NELL2: variants seen among roughly 807,000 people sequenced by gnomAD.
NELL2 encodes the protein protein kinase C-binding protein NELL2.
Under a neutral mutation model 109.6 loss-of-function variants are expected in NELL2, and 41 were observed. The ratio of observed to expected loss-of-function variants is 0.37; its 90% CI spans 0.29 to 0.49. The LOEUF (loss-of-function observed/expected upper bound fraction) is 0.49. Among genes scored for constraint, NELL2 ranks in the 20% least tolerant of loss-of-function variants. NELL2 has a pLI of 0.98. For synonymous variants in NELL2, 355 were observed against 344.7 expected (o/e 1.03, Z -0.33); for missense variants, 900 against 1,008.3 (o/e 0.89, Z 1.45).
At chr12:44,600,507 G>A (rs948343173) in intron 15 of NELL2, among the ~76,000 whole-genome samples, 2 of 152,148 alleles carry the variant, frequency 1.3e-5, no homozygotes, top group South Asian at 4.1e-4. Flanking sequence ...TGCCTCCCCC[G>A]ATTATACTTC....
intron 2 of NELL2, among the ~76,000 whole-genome samples, chr12:44,865,841 T>G (rs1222301427): frequency 2.3e-5 from 3 of 132,232 alleles, no homozygotes; most frequent in Non-Finnish European, 5.0e-5. Flanking sequence ...AAAAAAAGTT[T>G]TAACAAATTT....
intron 2 of NELL2, among the ~76,000 whole-genome samples, chr12:44,824,428 T>C (rs909924484): frequency 2.0e-5 from 3 of 152,208 alleles, no homozygotes; most frequent in East Asian, 1.9e-4. Context: ...TGTCTGTATA[T>C]GGTGTGAGAT....
chr12:44,774,706 A>G, intron 9 of NELL2, 41 bp downstream of exon 9: 1 of 1,514,156 alleles, frequency 6.6e-7, no homozygotes, highest in Non-Finnish European at 9.2e-7. Flanking sequence ...ACAGTGCTTT[A>G]TTTTTCCAAA....
Position 44,779,935 on chromosome 12 carries a change from A to G in NELL2, c.423T>C (p.Phe141=). Residue 141 remains phenylalanine (F), a synonymous_variant, in exon 4 of 20, where the codon TTT becomes TTC. Transcript: ENST00000429094. ...ACTTGTCATCAGCCAAAATGTAAGG[A>G]AACACTTCTGTGTGAGGGCGGTGAC... ...SGSHRPHTEV[F]PYILADDKWH... 1 of 1,613,956 alleles carries G rather than the reference A, an allele frequency of 6.2e-7. No homozygotes were observed. The highest frequency in any genetic ancestry group is 8.5e-7 in the Non-Finnish European group (1 of 1,179,836).
chr12:44,849,636 C>T (rs1402397289), intron 2 of NELL2, among the ~76,000 whole-genome samples: 1 of 152,146 alleles, frequency 6.6e-6, no homozygotes, highest in East Asian at 1.9e-4. Context: ...AATTTCCTCT[C>T]ACAGACATTT....
intron 15 of NELL2, among the ~76,000 whole-genome samples, chr12:44,563,401 C>T (rs1434437657): frequency 6.6e-6 from 1 of 151,916 alleles, no homozygotes; most frequent in Non-Finnish European, 1.5e-5. Flanking sequence ...GCCTTTGCCA[C>T]CAGCAAAATT....
At chr12:44,567,936 A>G (rs959884969) in intron 15 of NELL2, among the ~76,000 whole-genome samples, 1 of 152,176 alleles carries the variant, frequency 6.6e-6, no homozygotes, top group Non-Finnish European at 1.5e-5. Flanking sequence ...GGGAATTTTT[A>G]AAGTTGAAAG....
intron 9 of NELL2, among the ~76,000 whole-genome samples, chr12:44,725,603 T>A (rs895683272): frequency 1.3e-5 from 2 of 152,116 alleles, no homozygotes; most frequent in Admixed American, 6.6e-5. Flanking sequence ...GGAATCAACA[T>A]AAATGCCCAT....
intron 12 of NELL2, among the ~76,000 whole-genome samples, chr12:44,666,874 T>C (rs1405972752): frequency 6.6e-6 from 1 of 152,232 alleles, no homozygotes; most frequent in Non-Finnish European, 1.5e-5. Flanking sequence ...ACATAGTTTC[T>C]AACCTACCTG....
chr12:44,902,387 C>T (rs1048076815), intron 1 of NELL2, among the ~76,000 whole-genome samples: 1 of 152,030 alleles, frequency 6.6e-6, no homozygotes, highest in Non-Finnish European at 1.5e-5. Flanking sequence ...AACCGCTGCT[C>T]AAGGAAATAA....
chr12:44,677,931 G>C (rs1049226140), intron 12 of NELL2, among the ~76,000 whole-genome samples: 1 of 152,086 alleles, frequency 6.6e-6, no homozygotes, highest in Non-Finnish European at 1.5e-5. Flanking sequence ...AAATGTCCCA[G>C]AGGCAGTGAG....
intron 9 of NELL2, among the ~76,000 whole-genome samples, chr12:44,755,592 C>T (rs887098898): frequency 6.6e-6 from 1 of 152,154 alleles, no homozygotes; most frequent in African/African-American, 2.4e-5. Context: ...CTCAAAACTA[C>T]TCCACCTCTA....
Position 44,703,817 on chromosome 12 carries a change from C to A in NELL2, c.1227G>T (p.Glu409Asp), listed in dbSNP as rs779593674. The part of the protein sequence containing the change: ...DFCSERHNCM[E>D]NSICRNLNDR... ...CATTCAGATTTCTGCAGATGGAATT[C>A]TCCATGCAGTTATGCCTTTCAGAAC... The change falls in exon 12 of 20, where the codon GAG becomes GAT. Residue 409 changes from glutamate to aspartate, a missense_variant. Physicochemically the swap from Glu to Asp is conservative, Grantham distance 45 (BLOSUM62 2). This residue lies in a region of NELL2 where 292 missense variants were observed against 265.3 expected (regional missense o/e 1.10). Transcript: ENST00000429094. 3.2e-5 allele frequency: 51 copies of A among 1,613,162 alleles called. No individual in the cohort carries two copies. Among genetic ancestry groups the A allele is most frequent in the Non-Finnish European group, 8.5e-6 (10 of 1,179,534 alleles).
At chr12:44,830,633 C>T (rs968789443) in intron 2 of NELL2, among the ~76,000 whole-genome samples, 2 of 152,088 alleles carry the variant, frequency 1.3e-5, no homozygotes, top group East Asian at 3.9e-4. Flanking sequence ...TGCCATCTCC[C>T]GGTTTCTGAG....
intron 13 of NELL2, among the ~76,000 whole-genome samples, chr12:44,641,854 G>A (rs1036071179): frequency 1.3e-5 from 2 of 151,862 alleles, no homozygotes; most frequent in South Asian, 2.1e-4. Context: ...ATGCTGCCAT[G>A]CCCGGCTAAC....
At chr12:44,614,268 T>A (rs1052611917) in intron 13 of NELL2, among the ~76,000 whole-genome samples, 1 of 152,052 alleles carries the variant, frequency 6.6e-6, no homozygotes, top group Non-Finnish European at 1.5e-5. Context: ...GTTATTTTAA[T>A]CAGAATTTAA....
At chr12:44,684,028 C>T (rs2136378431) in intron 12 of NELL2, among the ~76,000 whole-genome samples, 1 of 152,282 alleles carries the variant, frequency 6.6e-6, no homozygotes, top group African/African-American at 2.4e-5. Context: ...TGGTAGAATT[C>T]AGCTGTGAAT....
intron 15 of NELL2, among the ~76,000 whole-genome samples, chr12:44,548,881 T>C (rs1942914021): frequency 6.6e-6 from 1 of 152,210 alleles, no homozygotes; most frequent in South Asian, 2.1e-4. Flanking sequence ...TGGAAGTTGA[T>C]TATAAAACAA....
At chr12:44,782,876 C>T (rs1275099873) in intron 3 of NELL2, among the ~76,000 whole-genome samples, 1 of 151,924 alleles carries the variant, frequency 6.6e-6, no homozygotes, top group African/African-American at 2.4e-5. Flanking sequence ...CTCAAAAATA[C>T]CATCAACCAA....
Sources: gnomAD v4.1 joint callset for allele counts (sites outside exome capture counted in the v4.1 genomes callset) on GRCh38, gnomAD v4.1.1 for gene constraint, gnomAD v4.1.1 regional missense constraint, MANE v1.5 for transcripts, NCBI Gene and HGNC (gene_info 2026-07-23, HGNC 2026-07-21) for gene names.